Variants in RBFOX1 observed in about 807,000 individuals in gnomAD.
RBFOX1 encodes the protein RNA binding fox-1 homolog 1.
A neutral mutation model predicts 57.7 loss-of-function variants in RBFOX1; 8 were observed. The ratio of observed to expected loss-of-function variants is 0.14; its 90% confidence interval spans 0.08 to 0.25. The LOEUF is 0.25. Among genes scored for constraint, RBFOX1 ranks in the 10% least tolerant of loss-of-function variants. RBFOX1 has a pLI of 1.00. For synonymous variants in RBFOX1, 326 were observed against 222.4 expected (o/e 1.47, Z -4.15); for missense variants, 611 against 548.5 (o/e 1.11, Z -1.14).
intron 4 of RBFOX1, among the ~76,000 whole-genome samples, chr16:7,452,810 A>G (rs534407167): frequency 6.6e-6 from 1 of 152,292 alleles, no homozygotes; most frequent in African/African-American, 2.4e-5. Flanking sequence ...ACTGAATAAA[A>G]TGGTCACAAA....
At chr16:5,777,722 C>T (rs752883244) in intron 3 of RBFOX1, among the ~76,000 whole-genome samples, 1 of 152,184 alleles carries the variant, frequency 6.6e-6, no homozygotes, top group Non-Finnish European at 1.5e-5. Flanking sequence ...CAGGGAAACA[C>T]ACAATACATA....
At chr16:6,500,081 C>G (rs1413032662) in intron 2 of RBFOX1, among the ~76,000 whole-genome samples, 1 of 152,060 alleles carries the variant, frequency 6.6e-6, no homozygotes, top group Non-Finnish European at 1.5e-5. Flanking sequence ...GATGTCATTT[C>G]CTTTGGTTAA....
intron 2 of RBFOX1, among the ~76,000 whole-genome samples, chr16:6,610,302 T>G (rs1183108564): frequency 7.0e-6 from 1 of 143,242 alleles, no homozygotes; most frequent in East Asian, 2.1e-4. Context: ...TGGAAGAAAC[T>G]CATCTGGACC....
chr16:7,249,362 A>T lies in RBFOX1; in HGVS notation c.27+197264A>T, dbSNP rs546026831. Among the ~76,000 whole-genome samples the T allele has an allele frequency of 3.3e-5, 5 of 152,252 alleles. No individual in the cohort carries two copies. The East Asian group carries it at 9.7e-4, about 29-fold the overall frequency. ...AGGAGCCTGGAGGACAATAAGAACA[A>T]AATCTACCTGAGAATTTGCAGGAAC... On this transcript the variant is annotated intron_variant, in intron 4 of 15. Coordinates refer to ENST00000550418, the MANE Select transcript of RBFOX1 (RefSeq NM_018723.4).
chr16:5,383,631 A>G (rs1245504683), intron 1 of RBFOX1, among the ~76,000 whole-genome samples: 1 of 152,250 alleles, frequency 6.6e-6, no homozygotes, highest in East Asian at 1.9e-4. Flanking sequence ...GCAGGTGCTC[A>G]TAAAAGCATT....
chr16:6,153,262 T>A (rs1158953409), intron 1 of RBFOX1, among the ~76,000 whole-genome samples: 2 of 151,914 alleles, frequency 1.3e-5, no homozygotes, highest in African/African-American at 4.8e-5. Flanking sequence ...CAATAAAAAT[T>A]TATAATTGAC....
intron 4 of RBFOX1, among the ~76,000 whole-genome samples, chr16:5,964,090 A>C (rs528508942): frequency 6.6e-6 from 1 of 152,314 alleles, no homozygotes; most frequent in African/African-American, 2.4e-5. Flanking sequence ...AAAAATAGAC[A>C]TAAGACTCAA....
intron 4 of RBFOX1, among the ~76,000 whole-genome samples, chr16:5,983,915 TCCTCCTCCTCCC>T (rs1263798316): frequency 1.7e-4 from 21 of 123,680 alleles, no homozygotes; most frequent in African/African-American, 3.1e-4. Flanking sequence ...CTCCTCCTCT[TCCTCCTCCTCCC>T]CCTCCTCCTC....
intron 4 of RBFOX1, among the ~76,000 whole-genome samples, chr16:5,950,436 G>C (rs541562794): frequency 2.6e-5 from 4 of 152,148 alleles, no homozygotes; most frequent in Admixed American, 6.5e-5. Context: ...ACATTGGTGG[G>C]TTTCAAACTC....
chr16:7,044,717 TGTTA>T (rs910100649), intron 3 of RBFOX1, among the ~76,000 whole-genome samples: 2 of 152,152 alleles, frequency 1.3e-5, no homozygotes, highest in African/African-American at 4.8e-5. Flanking sequence ...AAATATCACA[TGTTA>T]GTTTCCAAAT....
At chr16:5,399,614 T>C (rs1340487371) in intron 1 of RBFOX1, among the ~76,000 whole-genome samples, 2 of 151,978 alleles carry the variant, frequency 1.3e-5, no homozygotes, top group Non-Finnish European at 1.5e-5. Flanking sequence ...CCATCTGTAG[T>C]CCCAGCTACT....
intron 1 of RBFOX1, among the ~76,000 whole-genome samples, chr16:5,390,544 C>T (rs999650074): frequency 3.9e-5 from 6 of 152,162 alleles, no homozygotes; most frequent in African/African-American, 1.4e-4. Context: ...CTGCCTCGGC[C>T]TCCCAAAGTG....
At chr16:6,636,909 CAT>C (rs1001251115) in intron 2 of RBFOX1, among the ~76,000 whole-genome samples, 23 of 114,548 alleles carry the variant, frequency 2.0e-4, no homozygotes, top group Admixed American at 7.7e-4. Flanking sequence ...TATGTATAAA[CAT>C]ATATGTATAA....
chr16:6,675,581 T>G (rs1377845598), intron 3 of RBFOX1, among the ~76,000 whole-genome samples: 1 of 152,222 alleles, frequency 6.6e-6, no homozygotes, highest in African/African-American at 2.4e-5. Flanking sequence ...GATAAAGATG[T>G]ACCTGAGACT....
chr16:6,893,085 C>T (rs531016139), intron 3 of RBFOX1, among the ~76,000 whole-genome samples: 1 of 152,284 alleles, frequency 6.6e-6, no homozygotes, highest in South Asian at 2.1e-4. Context: ...GACTGCCCAC[C>T]TCACCTGACC....
At chr16:6,437,036 C>T (rs1470411173) in intron 2 of RBFOX1, among the ~76,000 whole-genome samples, 2 of 152,142 alleles carry the variant, frequency 1.3e-5, no homozygotes, top group Admixed American at 6.5e-5. Context: ...TGTGAAGTTA[C>T]TCAGTATTTT....
chr16:6,800,923 A>C (rs917889203), intron 3 of RBFOX1, among the ~76,000 whole-genome samples: 2 of 152,160 alleles, frequency 1.3e-5, no homozygotes, highest in African/African-American at 4.8e-5. Context: ...CTAGTTTGCT[A>C]TCCGTCTTGC....
intron 4 of RBFOX1, among the ~76,000 whole-genome samples, chr16:7,170,228 A>G (rs978141882): frequency 6.6e-5 from 10 of 152,170 alleles, no homozygotes; most frequent in African/African-American, 1.9e-4. Context: ...AACAATAGCA[A>G]TAATAACAGT....
intron 4 of RBFOX1, among the ~76,000 whole-genome samples, chr16:7,127,415 C>G (rs1260958142): frequency 6.6e-6 from 1 of 152,164 alleles, no homozygotes; most frequent in African/African-American, 2.4e-5. Context: ...CACTTAGCCA[C>G]TATTATCCCC....
Sources: allele counts gnomAD v4.1 joint callset (sites outside exome capture counted in the v4.1 genomes callset), GRCh38; gene constraint gnomAD v4.1.1; transcripts MANE v1.5; gene names NCBI Gene and HGNC (gene_info 2026-07-23, HGNC 2026-07-21).